RAPGEF5: variants seen among roughly 807,000 people sequenced by gnomAD.
The protein encoded by RAPGEF5 is Rap guanine nucleotide exchange factor 5, also known as M-Ras-regulated GEF.
In RAPGEF5, 65 loss-of-function variants were observed where a neutral mutation model predicts 125.2. That is an observed-to-expected ratio of 0.52 (90% CI 0.43 to 0.64). The LOEUF (loss-of-function observed/expected upper bound fraction) is 0.64. Ranked by LOEUF, RAPGEF5 falls within the 30% of genes least tolerant of loss-of-function variation. The probability of loss-of-function intolerance (pLI) is 0.00; values close to 1 mark genes in which losing one functional copy is unlikely to be tolerated. For synonymous variants in RAPGEF5, 391 were observed against 385.9 expected (o/e 1.01, Z -0.16); for missense variants, 958 against 1,048.1 (o/e 0.91, Z 1.19).
intron 15 of RAPGEF5, among the ~76,000 whole-genome samples, chr7:22,157,358 C>T (rs1029800345): frequency 1.3e-5 from 2 of 152,164 alleles, no homozygotes; most frequent in Non-Finnish European, 2.9e-5. Context: ...TATGATTATC[C>T]ACCTGATATA....
At chr7:22,155,830 T>A (rs186380747) in intron 16 of RAPGEF5, among the ~76,000 whole-genome samples, 16 of 152,344 alleles carry the variant, frequency 1.1e-4, no homozygotes, top group African/African-American at 3.8e-4. Flanking sequence ...TAAGTTTACA[T>A]CTTGCTAAAT....
intron 6 of RAPGEF5, among the ~76,000 whole-genome samples, chr7:22,275,515 T>C (rs1199383334): frequency 1.3e-5 from 2 of 152,216 alleles, no homozygotes; most frequent in Non-Finnish European, 2.9e-5. Flanking sequence ...TTTAGCTCAA[T>C]GTAAGAACTT....
chr7:22,310,155 AT>A, intron 3 of RAPGEF5, 65 bp from the exon 4 acceptor site: 1 of 1,406,080 alleles, frequency 7.1e-7, no homozygotes, highest in African/African-American at 1.5e-5. Flanking sequence ...AAAAACAAAA[AT>A]GATATATAAT....
Position 22,129,126 on chromosome 7 carries a change from G to C in RAPGEF5, c.2481+1911C>G, listed in dbSNP as rs1051025583. Among the ~76,000 whole-genome samples, 10 of 151,884 alleles carry C rather than the reference G, an allele frequency of 6.6e-5. 1 individual carries two copies. Among genetic ancestry groups the C allele is most frequent in the African/African-American group, 2.4e-4 (10 of 41,336 alleles). On this transcript the variant is annotated intron_variant, in intron 24 of 25. Coordinates refer to ENST00000665637, the MANE Select transcript of RAPGEF5 (RefSeq NM_012294.5). ...GGTGGGAACAAGCTTTCCACAGCTTGTTCCCATTTGTGACTTTATGGACTT... is the reference window on the plus strand; with the variant it reads ...GGTGGGAACAAGCTTTCCACAGCTTCTTCCCATTTGTGACTTTATGGACTT...
At chr7:22,136,875 G>T in intron 22 of RAPGEF5, 58 bp downstream of exon 22, 1 of 1,409,106 alleles carries the variant, frequency 7.1e-7, no homozygotes, top group South Asian at 1.3e-5. Flanking sequence ...AATGTAGAAA[G>T]AAACTAGACC....
intron 7 of RAPGEF5, among the ~76,000 whole-genome samples, chr7:22,254,577 C>A (rs1786706667): frequency 1.4e-5 from 2 of 145,310 alleles, no homozygotes; most frequent in South Asian, 4.4e-4. Flanking sequence ...CATTGCACTC[C>A]AGCCTGGGTG....
At chr7:22,157,008 C>G in intron 15 of RAPGEF5, 120 bp from the exon 16 acceptor site, 1 of 1,445,428 alleles carries the variant, frequency 6.9e-7, no homozygotes, top group Non-Finnish European at 9.2e-7. Flanking sequence ...GAAATCCACC[C>G]ATCCAATCTT....
At chr7:22,330,052 T>C (rs577897232) in intron 1 of RAPGEF5, among the ~76,000 whole-genome samples, 91 of 152,236 alleles carry the variant, frequency 6.0e-4, no homozygotes, top group Middle Eastern at 3.4e-3. Context: ...TGAAGCAACA[T>C]AACATTTCCA....
At chr7:22,265,554 A>G (rs1782262044) in intron 7 of RAPGEF5, among the ~76,000 whole-genome samples, 1 of 152,170 alleles carries the variant, frequency 6.6e-6, no homozygotes, top group Non-Finnish European at 1.5e-5. Flanking sequence ...CAGCGCTGCA[A>G]TAAATATGGG....
chr7:22,262,351 A>G (rs1277148131), intron 7 of RAPGEF5, among the ~76,000 whole-genome samples: 1 of 152,192 alleles, frequency 6.6e-6, no homozygotes, highest in African/African-American at 2.4e-5. Flanking sequence ...GCAAATAAAA[A>G]TGACGAAAAG....
intron 1 of RAPGEF5, among the ~76,000 whole-genome samples, chr7:22,323,974 T>C (rs1783765439): frequency 6.6e-6 from 1 of 152,178 alleles, no homozygotes; most frequent in Admixed American, 6.5e-5. Flanking sequence ...CATCAACAGA[T>C]GCTAACATCA....
rs961396333 is a variant in RAPGEF5, at chr7:22,356,969, G to A, written c.92C>T (p.Pro31Leu). 28 of 1,032,598 alleles carry A rather than the reference G, an allele frequency of 2.7e-5. No individual in the cohort carries two copies. The highest frequency in any genetic ancestry group is 3.2e-5 in the Non-Finnish European group (28 of 862,902). 64.0% of individuals were successfully genotyped at this position (1,032,598 alleles called of 1,614,324 possible). The change falls in exon 1 of 26, where the codon CCC becomes CTC. Residue 31 changes from proline to leucine, a missense_variant. Pro to Leu is a moderately conservative substitution (Grantham distance 98). Coordinates refer to ENST00000665637, the MANE Select transcript of RAPGEF5 (RefSeq NM_012294.5). The stretch of plus-strand genomic sequence containing the variant: ...CCGGGCGCTGGGGCTGCGGCGCAGG[G>A]GGCCGTCTGCCGCCACCACCGCCGC... ...AAAAVVAADG[P>L]LRRSPSAREP...
At chr7:22,331,668 C>T (rs1286240262) in intron 1 of RAPGEF5, among the ~76,000 whole-genome samples, 1 of 149,498 alleles carries the variant, frequency 6.7e-6, no homozygotes, top group African/African-American at 2.5e-5. Context: ...TAGCGTGAAC[C>T]CGGGAGGCGG....
At chr7:22,238,414 G>A (rs1057217814) in intron 7 of RAPGEF5, among the ~76,000 whole-genome samples, 5 of 152,154 alleles carry the variant, frequency 3.3e-5, no homozygotes, top group African/African-American at 7.2e-5. Flanking sequence ...ACTAAGGAGA[G>A]AGGTAAAGCA....
At chr7:22,317,743 C>G (rs112038543) in intron 2 of RAPGEF5, among the ~76,000 whole-genome samples, 7 of 152,086 alleles carry the variant, frequency 4.6e-5, no homozygotes, top group South Asian at 2.1e-4. Context: ...TGTAAAGAAC[C>G]TGGAAGATGG....
At chr7:22,226,738 C>T (rs912455198) in intron 8 of RAPGEF5, among the ~76,000 whole-genome samples, 1 of 152,118 alleles carries the variant, frequency 6.6e-6, no homozygotes, top group African/African-American at 2.4e-5. Context: ...TTCATAATTC[C>T]TAGCCCGTCA....
intron 1 of RAPGEF5, among the ~76,000 whole-genome samples, chr7:22,347,914 T>C (rs1203007191): frequency 1.3e-5 from 2 of 152,220 alleles, no homozygotes; most frequent in Admixed American, 1.3e-4. Context: ...ACCGAAGCAT[T>C]TGCTATATTT....
At chr7:22,301,367 G>C (rs577039247) in intron 5 of RAPGEF5, among the ~76,000 whole-genome samples, 2 of 152,138 alleles carry the variant, frequency 1.3e-5, no homozygotes, top group Non-Finnish European at 2.9e-5. Flanking sequence ...TGTAATCTCC[G>C]AACTTTGGGA....
intron 17 of RAPGEF5, among the ~76,000 whole-genome samples, chr7:22,151,277 T>C (rs945240305): frequency 1.3e-5 from 2 of 152,168 alleles, no homozygotes. Context: ...TGCTTATAAA[T>C]GATTTTCTTA....
Sources: allele counts gnomAD v4.1 joint callset (sites outside exome capture counted in the v4.1 genomes callset), GRCh38; gene constraint gnomAD v4.1.1; transcripts MANE v1.5; gene names NCBI Gene and HGNC (gene_info 2026-07-23, HGNC 2026-07-21).